SLC29A3: variants seen among roughly 807,000 people sequenced by gnomAD.
The protein encoded by SLC29A3 is solute carrier family 29 member 3.
Under a neutral mutation model 25.4 loss-of-function variants are expected in SLC29A3, and 18 were observed. That is an observed-to-expected ratio of 0.71 (90% CI 0.49 to 1.05). The LOEUF is 1.05. Ranked by LOEUF, SLC29A3 falls within the 50% of genes least tolerant of loss-of-function variation. SLC29A3 has a pLI of 0.00. For synonymous variants in SLC29A3, 258 were observed against 267.1 expected (o/e 0.97, Z 0.33); for missense variants, 586 against 609.0 (o/e 0.96, Z 0.40).
At chr10:71,337,900 T>C (rs918415182) in intron 2 of SLC29A3, among the ~76,000 whole-genome samples, 1 of 152,214 alleles carries the variant, frequency 6.6e-6, no homozygotes, top group Non-Finnish European at 1.5e-5. Context: ...GGTGGGCTTT[T>C]AAATTGTGTT....
Position 71,332,709 on chromosome 10 carries a change from C to T in SLC29A3, c.300+9655C>T, listed in dbSNP as rs376381018. On this transcript the variant is annotated intron_variant, in intron 2 of 5. Coordinates refer to ENST00000373189, the MANE Select transcript of SLC29A3 (RefSeq NM_018344.6). ...TTAAAAATTAGAACCAAAAGTGAGT[C>T]ATTTTTTAAAATCCCCTTGTCCACC... is the stretch of plus-strand genomic sequence containing the variant. Among the ~76,000 whole-genome samples, 23 of 152,316 alleles carry T rather than the reference C, an allele frequency of 1.5e-4. No individual in the cohort carries two copies. The East Asian group carries it at 3.1e-3, about 20-fold the overall frequency.
chr10:71,324,353 G>A (rs1019417566), intron 2 of SLC29A3, among the ~76,000 whole-genome samples: 5 of 152,158 alleles, frequency 3.3e-5, no homozygotes, highest in African/African-American at 1.2e-4. Context: ...ACAGAGGGCC[G>A]ACATTTCCTA....
intron 3 of SLC29A3, among the ~76,000 whole-genome samples, chr10:71,373,054 T>A (rs1847223427): frequency 6.6e-6 from 1 of 152,134 alleles, no homozygotes; most frequent in Non-Finnish European, 1.5e-5. Flanking sequence ...CGGGGCTGCC[T>A]CCTACCAGGG....
downstream of SLC29A3, among the ~76,000 whole-genome samples, chr10:71,367,015 C>T (rs538910219): frequency 3.1e-4 from 47 of 152,316 alleles, no homozygotes; most frequent in African/African-American, 1.0e-3. Context: ...AATTTCTGCC[C>T]CACCATCAGG....
intron 3 of SLC29A3, among the ~76,000 whole-genome samples, chr10:71,371,915 C>T (rs780697): frequency 6.6e-6 from 1 of 152,032 alleles, no homozygotes; most frequent in Non-Finnish European, 1.5e-5. Context: ...TAGCCCAGTT[C>T]CAGAGCTCTG....
rs148484611 is a variant in SLC29A3, at chr10:71,356,100, G to A, written c.630G>A (p.Thr210=). ...CTGCAGGAGGAGCCATGGGCGGGAC[G>A]GTCAGCGCCGTGGCCTCATTGGTGG... ...ALISGGAMGG[T]VSAVASLVDL... Residue 210 remains threonine, a synonymous_variant, in exon 5 of 6, where the codon ACG becomes ACA. Coordinates refer to ENST00000373189, the MANE Select transcript of SLC29A3 (RefSeq NM_018344.6). 6.6e-5 allele frequency: 106 copies of A among 1,614,090 alleles called. No individual in the cohort carries two copies. In the African/African-American group the frequency reaches 1.3e-3, roughly 20 times the overall value.
At position 71,322,950 on chromosome 10, in the gene SLC29A3, C is replaced by T. The variant is rs1436430261; in HGVS notation, c.196C>T (p.Leu66=). The change falls in exon 2 of 6, where the codon CTG becomes TTG. Residue 66 remains leucine (L), a synonymous_variant. Transcript: ENST00000373189. The part of the protein sequence containing the change: ...IFFSLGIGSL[L]PWNFFITAKE... ...CTTCAGCCTGGGCATTGGCAGTCTA[C>T]TGCCATGGAACTTCTTTATCACTGC... 3 of 1,614,106 alleles carry T rather than the reference C, an allele frequency of 1.9e-6. No homozygotes were observed. Among genetic ancestry groups the T allele is most frequent in the South Asian group, 1.1e-5 (1 of 91,094 alleles).
rs372271971 is a variant in SLC29A3, at chr10:71,362,426, G to T, written c.1246G>T (p.Ala416Ser). ...TVVFQSDVYP[A>S]LLSSLLGLSN... is the part of the protein sequence containing the mutation. The stretch of plus-strand genomic sequence containing the variant: ...GGTCTTCCAGTCCGATGTGTACCCC[G>T]CACTCCTCAGCTCCCTGCTGGGGCT... Residue 416 changes from alanine to serine, a missense_variant, in exon 6 of 6, where the codon GCA becomes TCA. Transcript: ENST00000373189. The T allele has an allele frequency of 3.1e-6, 5 of 1,614,098 alleles. No individual in the cohort carries two copies. In the Admixed American group the frequency reaches 8.3e-5, roughly 27 times the overall value.
intron 4 of SLC29A3, among the ~76,000 whole-genome samples, chr10:71,353,914 C>A (rs1427147382): frequency 6.6e-6 from 1 of 152,100 alleles, no homozygotes; most frequent in African/African-American, 2.4e-5. Flanking sequence ...ATTGTAAATT[C>A]TCTACAAGTT....
chr10:71,337,849 GC>G (rs1174598490), intron 2 of SLC29A3, among the ~76,000 whole-genome samples: 1 of 152,216 alleles, frequency 6.6e-6, no homozygotes, highest in African/African-American at 2.4e-5. Context: ...AGGAAATGTG[GC>G]CCGTCATAAA....
At position 71,356,066 on chromosome 10, in the gene SLC29A3, C is replaced by T. The variant is rs1382021533; in HGVS notation, c.611-15C>T. 1 of 1,613,494 alleles carries T rather than the reference C, an allele frequency of 6.2e-7. No homozygotes were observed. The highest frequency in any genetic ancestry group is 8.5e-7 in the Non-Finnish European group (1 of 1,180,032). ...CCACCCCTCACCATCTCTGCGTGTC[C>T]TCTGTTCTCTGCAGGAGGAGCCATG... is the stretch of plus-strand genomic sequence containing the variant. On this transcript the variant is annotated splice_polypyrimidine_tract_variant and intron_variant, in intron 4 of 5. Transcript: ENST00000373189.
intron 4 of SLC29A3, among the ~76,000 whole-genome samples, chr10:71,377,745 T>C (rs895540162): frequency 8.5e-5 from 13 of 152,176 alleles, no homozygotes; most frequent in Non-Finnish European, 1.8e-4. Flanking sequence ...GAAACAGAAA[T>C]AAACCAGGGG....
At chr10:71,374,252 A>C (rs1847233458) in intron 3 of SLC29A3, among the ~76,000 whole-genome samples, 1 of 152,030 alleles carries the variant, frequency 6.6e-6, no homozygotes, top group Non-Finnish European at 1.5e-5. Flanking sequence ...TGCATAGCTG[A>C]GCCTTATTAG....
At chr10:71,356,317 C>T in intron 5 of SLC29A3, 74 bp downstream of exon 5, 1 of 1,557,188 alleles carries the variant, frequency 6.4e-7, no homozygotes. Flanking sequence ...TTCTCAGCAG[C>T]TTCTATGCTG....
Position 71,322,849 on chromosome 10 carries a change from T to C in SLC29A3, c.95T>C (p.Leu32Pro), listed in dbSNP as rs1845881534. The C allele has an allele frequency of 3.7e-6, 6 of 1,614,112 alleles. No homozygotes were observed. The highest frequency in any genetic ancestry group is 1.3e-5 in the African/African-American group (1 of 74,940). Residue 32 changes from leucine to proline, a missense_variant, in exon 2 of 6, where the codon CTT becomes CCT. Physicochemically the swap from Leu to Pro is moderately conservative, Grantham distance 98 (BLOSUM62 -3). Transcript: ENST00000373189. ...SSLRADQEALLEKLLDRPPPG... is the reference protein window; with the variant it reads ...SSLRADQEALPEKLLDRPPPG... Reference sequence around the variant, plus strand: ...CTCCGAGCTGACCAGGAGGCACTGCTTGAGAAGCTGCTGGACCGCCCGCCC... The same window carrying C: ...CTCCGAGCTGACCAGGAGGCACTGCCTGAGAAGCTGCTGGACCGCCCGCCC...
rs373963349 is a variant in SLC29A3, at chr10:71,378,441, A to T, written c.*212-1325A>T. On this transcript the variant is annotated intron_variant and NMD_transcript_variant, in intron 4 of 4. Transcript: ENST00000642772. The stretch of plus-strand genomic sequence containing the variant: ...TAGCCTGAGTCAACTTGAGTGCCAG[A>T]GGGTGAATGCCCTCAGAAGCAGCTC... 1.0e-3 allele frequency among the ~76,000 whole-genome samples: 154 copies of T among 152,336 alleles called. 5 individuals carry two copies. In the South Asian group the frequency reaches 0.031, roughly 31 times the overall value.
At chr10:71,344,000 T>C (rs914231228) in intron 2 of SLC29A3, among the ~76,000 whole-genome samples, 7 of 152,146 alleles carry the variant, frequency 4.6e-5, no homozygotes, top group South Asian at 2.1e-4. Flanking sequence ...ACAGCTGACA[T>C]TGGCAGCTAT....
intron 4 of SLC29A3, among the ~76,000 whole-genome samples, chr10:71,379,346 C>T (rs1181847356): frequency 6.6e-6 from 1 of 152,210 alleles, no homozygotes; most frequent in African/African-American, 2.4e-5. Flanking sequence ...GTCACCCATG[C>T]TAAAGTTCCA....
intron 4 of SLC29A3, chr10:71,352,877 A>G (rs1013239584): frequency 1.3e-5 from 2 of 152,352 alleles, no homozygotes; most frequent in Non-Finnish European, 2.9e-5. Flanking sequence ...AGTCCCTGGG[A>G]GCAAGACTGG....
Sources: allele counts gnomAD v4.1 joint callset (sites outside exome capture counted in the v4.1 genomes callset), GRCh38; gene constraint gnomAD v4.1.1; transcripts MANE v1.5; gene names NCBI Gene and HGNC (gene_info 2026-07-23, HGNC 2026-07-21).